AK5: variants seen among roughly 807,000 people sequenced by gnomAD.
The protein encoded by AK5 is adenylate kinase isoenzyme 5.
A neutral mutation model predicts 69.5 loss-of-function variants in AK5; 27 were observed. The ratio of observed to expected loss-of-function variants is 0.39; its 90% CI spans 0.29 to 0.54. The LOEUF is 0.54. Among genes scored for constraint, AK5 ranks in the 20% least tolerant of loss-of-function variants. AK5 has a pLI of 0.71. For missense variants in AK5, 531 were observed against 700.4 expected, an observed-to-expected ratio of 0.76 and a Z score of 2.73; for synonymous variants, 260 against 244.4, an observed-to-expected ratio of 1.06 and a Z score of -0.60.
At chr1:77,538,079 C>T (rs12071212) in intron 13 of AK5, among the ~76,000 whole-genome samples, 92,029 of 152,028 alleles carry the variant, frequency 0.61, 30,583 homozygotes, top group Non-Finnish European at 0.74. Context: ...GGCTCACACC[C>T]GTTATCCCAG....
At chr1:77,491,304 ATTTT>A (rs10700619) in intron 10 of AK5, among the ~76,000 whole-genome samples, 2 of 87,390 alleles carry the variant, frequency 2.3e-5, no homozygotes, top group Non-Finnish European at 4.3e-5. Flanking sequence ...CATGAATTGA[ATTTT>A]TTTTTTTTTT....
chr1:77,360,793 A>G (rs1277223453), intron 6 of AK5, among the ~76,000 whole-genome samples: 1 of 152,160 alleles, frequency 6.6e-6, no homozygotes, highest in Non-Finnish European at 1.5e-5. Context: ...TCTAGAATAG[A>G]TCAAAACCAG....
intron 6 of AK5, among the ~76,000 whole-genome samples, chr1:77,344,797 G>A (rs916289808): frequency 6.6e-6 from 1 of 151,436 alleles, no homozygotes; most frequent in Admixed American, 6.6e-5. Flanking sequence ...TGATTTCTGA[G>A]ATTTTAGTGT....
intron 5 of AK5, among the ~76,000 whole-genome samples, chr1:77,339,642 A>ATATTT (rs1457345725): frequency 8.1e-6 from 1 of 124,018 alleles, no homozygotes. Flanking sequence ...ATTTAGCAAT[A>ATATTT]TCTTTTTTTT....
At chr1:77,401,220 A>G (rs1195742419) in intron 6 of AK5, among the ~76,000 whole-genome samples, 1 of 152,188 alleles carries the variant, frequency 6.6e-6, no homozygotes, top group African/African-American at 2.4e-5. Flanking sequence ...TTTTAGTGCA[A>G]TCTTCAATTT....
intron 7 of AK5, among the ~76,000 whole-genome samples, chr1:77,411,729 T>A (rs1356961151): frequency 6.6e-6 from 1 of 152,160 alleles, no homozygotes; most frequent in Non-Finnish European, 1.5e-5. Context: ...TTCTTTCTTC[T>A]GAGTAATGAT....
intron 6 of AK5, among the ~76,000 whole-genome samples, chr1:77,345,129 A>C (rs969073149): frequency 3.3e-5 from 5 of 152,226 alleles, no homozygotes; most frequent in Non-Finnish European, 7.3e-5. Context: ...ACTTGTGTGC[A>C]TTGAAAAAAT....
intron 8 of AK5, among the ~76,000 whole-genome samples, chr1:77,449,641 A>G (rs530773257): frequency 2.0e-5 from 3 of 152,134 alleles, no homozygotes; most frequent in Non-Finnish European, 4.4e-5. Context: ...GAGATTTGGG[A>G]GGGGCCAAGA....
intron 5 of AK5, among the ~76,000 whole-genome samples, chr1:77,334,258 T>A (rs1194559674): frequency 1.3e-5 from 2 of 152,170 alleles, no homozygotes; most frequent in Non-Finnish European, 2.9e-5. Context: ...ATCAACACTT[T>A]AAAAAAATAG....
intron 8 of AK5, among the ~76,000 whole-genome samples, chr1:77,444,739 T>A (rs890498099): frequency 6.9e-6 from 1 of 145,900 alleles, no homozygotes; most frequent in African/African-American, 2.5e-5. Context: ...TATGTATATA[T>A]TTGACTTTTC....
At chr1:77,291,257 C>T (rs1384145524) in intron 2 of AK5, among the ~76,000 whole-genome samples, 1 of 151,658 alleles carries the variant, frequency 6.6e-6, no homozygotes, top group African/African-American at 2.4e-5. Flanking sequence ...TTTGAACTGT[C>T]ACCTCCTTTC....
chr1:77,373,296 T>C (rs1033817113), intron 6 of AK5, among the ~76,000 whole-genome samples: 7 of 152,206 alleles, frequency 4.6e-5, no homozygotes, highest in Non-Finnish European at 7.3e-5. Context: ...TATTCAATAA[T>C]TTGTCCTCCC....
intron 10 of AK5, among the ~76,000 whole-genome samples, chr1:77,499,398 C>T (rs1190715670): frequency 2.0e-5 from 3 of 152,184 alleles, no homozygotes; most frequent in African/African-American, 7.2e-5. Flanking sequence ...TGAAGATGTT[C>T]CTCCTGGTTC....
chr1:77,300,877 A>G (rs1467391675), intron 5 of AK5, among the ~76,000 whole-genome samples: 2 of 152,212 alleles, frequency 1.3e-5, no homozygotes, highest in East Asian at 3.9e-4. Flanking sequence ...GTTTATCATA[A>G]AGGATACAAC....
chr1:77,515,531 C>T (rs564164663), intron 10 of AK5, among the ~76,000 whole-genome samples: 20 of 152,316 alleles, frequency 1.3e-4, no homozygotes, highest in Non-Finnish European at 2.2e-4. Context: ...GGTGCACTTA[C>T]GATGTGCAAA....
intron 8 of AK5, among the ~76,000 whole-genome samples, chr1:77,463,612 C>A (rs1436152175): frequency 6.6e-6 from 1 of 150,966 alleles, no homozygotes; most frequent in African/African-American, 2.4e-5. Flanking sequence ...CCTATGGAGT[C>A]CTCTCAAAAA....
intron 8 of AK5, among the ~76,000 whole-genome samples, chr1:77,449,375 G>GT (rs1488542132): frequency 6.6e-6 from 1 of 152,206 alleles, no homozygotes; most frequent in Admixed American, 6.5e-5. Context: ...GGATTTCAGA[G>GT]TTGCATGGAG....
At chr1:77,379,248 T>C (rs1183781120) in intron 6 of AK5, among the ~76,000 whole-genome samples, 1 of 152,224 alleles carries the variant, frequency 6.6e-6, no homozygotes, top group Non-Finnish European at 1.5e-5. Flanking sequence ...TCCCTTGCGA[T>C]GGATGCAGTT....
At chr1:77,384,730 G>A (rs1277395907) in intron 6 of AK5, among the ~76,000 whole-genome samples, 2 of 152,144 alleles carry the variant, frequency 1.3e-5, no homozygotes, top group African/African-American at 4.8e-5. Context: ...ATAATTCAAT[G>A]CCCAACAGTC....
Sources: gnomAD v4.1 joint callset for allele counts (sites outside exome capture counted in the v4.1 genomes callset) on GRCh38, gnomAD v4.1.1 for gene constraint, MANE v1.5 for transcripts, NCBI Gene and HGNC (gene_info 2026-07-23, HGNC 2026-07-21) for gene names.